The following DGCR2 variants were observed in gnomAD, a reference collection of about 807,000 sequenced individuals.
DGCR2 encodes DiGeorge syndrome critical region gene 2.
A neutral mutation model predicts 51.6 loss-of-function variants in DGCR2; 24 were observed. That is an observed-to-expected ratio of 0.47 (90% confidence interval 0.34 to 0.65). The LOEUF (loss-of-function observed/expected upper bound fraction) is 0.65. Among genes scored for constraint, DGCR2 ranks in the 30% least tolerant of loss-of-function variants. The probability of loss-of-function intolerance (pLI) is 0.01; values close to 1 mark genes in which losing one functional copy is unlikely to be tolerated. For synonymous variants in DGCR2, 340 were observed against 315.4 expected (o/e 1.08, Z -0.82); for missense variants, 765 against 772.1 (o/e 0.99, Z 0.11).
intron 7 of DGCR2, among the ~76,000 whole-genome samples, chr22:19,043,260 G>A (rs896467530): frequency 6.6e-6 from 1 of 152,228 alleles, no homozygotes; most frequent in Non-Finnish European, 1.5e-5. Context: ...AGGCCGGGGT[G>A]CTGTTCAACA....
At chr22:19,090,526 T>G (rs965422693) in intron 1 of DGCR2, among the ~76,000 whole-genome samples, 2 of 152,198 alleles carry the variant, frequency 1.3e-5, no homozygotes, top group African/African-American at 4.8e-5. Flanking sequence ...CATGTTAAAG[T>G]TCTGAAAGAA....
chr22:19,038,933 T>A lies in DGCR2; in HGVS notation c.1585A>T (p.Thr529Ser). The A allele has an allele frequency of 6.2e-7, 1 of 1,612,456 alleles. No individual in the cohort carries two copies. Residue 529 changes from threonine (T) to serine (S), a missense_variant, in exon 10 of 10, where the codon ACC (threonine) becomes TCC (serine). By Grantham distance (58) the Thr-to-Ser change is moderately conservative. Transcript: ENST00000263196. ...CCTGGCAGTGCCTCTGCAGCTGGGG[T>A]GCTCCCGCTCTGGGCAGGGTCAGGG... ...VPPDPAQSGS[T>S]PAAEALPGGG...
rs59004460 is a variant in DGCR2, at chr22:19,052,609, CAA to C, written c.803-3968_803-3967del. On this transcript the variant is annotated intron_variant, in intron 6 of 9. Transcript: ENST00000263196. ...GCAACATAGCGAAATCCCGCCTCTA[CAA>C]AAAAAAAAAAAATACAAAAATAAGT... Among the ~76,000 whole-genome samples the C allele has an allele frequency of 7.5e-4, 100 of 133,734 alleles. 1 individual carries two copies. Among genetic ancestry groups the C allele is most frequent in the Middle Eastern group, 7.4e-3 (2 of 270 alleles). 87.7% of individuals were successfully genotyped at this position (133,734 alleles called of 152,430 possible).
At chr22:19,045,907 T>C (rs966543287) in intron 7 of DGCR2, among the ~76,000 whole-genome samples, 7 of 152,124 alleles carry the variant, frequency 4.6e-5, no homozygotes, top group African/African-American at 1.7e-4. Context: ...TTTGTATTTT[T>C]TGTAGAGATG....
At chr22:19,050,739 G>A (rs115735541) in intron 6 of DGCR2, among the ~76,000 whole-genome samples, 1,756 of 152,266 alleles carry the variant, frequency 0.012, 39 homozygotes, top group African/African-American at 0.04. Flanking sequence ...CTGGACTAAA[G>A]AACTTCACCT....
intron 1 of DGCR2, among the ~76,000 whole-genome samples, chr22:19,090,184 C>T (rs2083063196): frequency 6.6e-6 from 1 of 152,016 alleles, no homozygotes; most frequent in Admixed American, 6.6e-5. Flanking sequence ...TGAAAAAATA[C>T]CAGGAAAAAA....
chr22:19,042,806 C>T (rs529313549), intron 7 of DGCR2, among the ~76,000 whole-genome samples: 4 of 152,282 alleles, frequency 2.6e-5, no homozygotes, highest in South Asian at 2.1e-4. Flanking sequence ...GGCAGCCGCA[C>T]GGTCAACTCA....
intron 2 of DGCR2, among the ~76,000 whole-genome samples, chr22:19,068,461 T>C (rs1193423190): frequency 6.6e-6 from 1 of 152,248 alleles, no homozygotes; most frequent in Non-Finnish European, 1.5e-5. Context: ...AAGTTACTAT[T>C]GTGAAATGGA....
rs1251669921 is a variant in DGCR2 at position 19,057,935 on chromosome 22, C to G, written c.626-773G>C. On this transcript the variant is annotated intron_variant, in intron 5 of 9. Coordinates refer to ENST00000263196, the MANE Select transcript of DGCR2 (RefSeq NM_005137.3). The surrounding 1 kb of genome is among the most constrained non-coding windows in gnomAD (Gnocchi z 5.1). ...CCACTCTCTCCCCTGCACGGCCCTT[C>G]CAGTCTGGGCTGCCAAGATTCCTTG... 1.3e-5 allele frequency among the ~76,000 whole-genome samples: 2 copies of G among 152,154 alleles called. No individual in the cohort carries two copies. The highest frequency in any genetic ancestry group is 2.9e-5 in the Non-Finnish European group (2 of 68,014).
At chr22:19,062,922 CAAGGTCTTTAACTTCAA>C (rs1425899522) in intron 5 of DGCR2, among the ~76,000 whole-genome samples, 2 of 152,002 alleles carry the variant, frequency 1.3e-5, no homozygotes, top group Non-Finnish European at 2.9e-5. Flanking sequence ...TTTTATACTC[CAAGGTCTTTAACTTCAA>C]AAGGAGGCGG....
chr22:19,065,024 G>C lies in DGCR2; in HGVS notation c.372C>G (p.Gly124=). The C allele has an allele frequency of 6.2e-7, 1 of 1,614,054 alleles. No homozygotes were observed. The highest frequency in any genetic ancestry group is 8.5e-7 in the Non-Finnish European group (1 of 1,180,040). The change falls in exon 4 of 10, where the codon GGC becomes GGG. Residue 124 remains glycine (G), a synonymous_variant. Coordinates refer to ENST00000263196, the MANE Select transcript of DGCR2 (RefSeq NM_005137.3). The part of the protein sequence containing the change: ...KCPTGWHHYE[G]TASCYRVYLS... ...GGTAGACCCGGTAGCAGCTGGCCGT[G>C]CCTTCGTAGTGGTGCCACCCTGTCG...
intron 2 of DGCR2, among the ~76,000 whole-genome samples, chr22:19,088,532 G>A (rs188291219): frequency 1.3e-5 from 2 of 152,312 alleles, no homozygotes; most frequent in South Asian, 2.1e-4. Flanking sequence ...TGATAAATCA[G>A]GTTGGCAAAG....
At chr22:19,058,096 C>T (rs915945729) in intron 5 of DGCR2, among the ~76,000 whole-genome samples, 1 of 150,822 alleles carries the variant, frequency 6.6e-6, no homozygotes, top group African/African-American at 2.4e-5. Flanking sequence ...CTCCAGCATT[C>T]TCACCTGCGT....
chr22:19,111,128 T>G (rs1376779772), intron 1 of DGCR2, among the ~76,000 whole-genome samples: 1 of 152,126 alleles, frequency 6.6e-6, no homozygotes, highest in Non-Finnish European at 1.5e-5. Context: ...CAAAAGAAGG[T>G]GACACTCTAA....
intron 1 of DGCR2, among the ~76,000 whole-genome samples, chr22:19,104,517 A>G (rs1246622401): frequency 1.3e-5 from 2 of 152,252 alleles, no homozygotes; most frequent in African/African-American, 4.8e-5. Flanking sequence ...AGAAGCACAC[A>G]TGTCCACAGT....
At chr22:19,062,779 A>ATGCATGCTCTCTCTC in intron 5 of DGCR2, among the ~76,000 whole-genome samples, 1 of 127,354 alleles carries the variant, frequency 7.9e-6, no homozygotes, top group Non-Finnish European at 1.8e-5. Context: ...ATGCATGCTC[A>ATGCATGCTCTCTCTC]CTCTCTCTCT....
intron 5 of DGCR2, among the ~76,000 whole-genome samples, chr22:19,058,092 C>T (rs1350425217): frequency 1.3e-5 from 2 of 151,616 alleles, no homozygotes; most frequent in Admixed American, 6.6e-5. Context: ...AAGCCTCCAG[C>T]ATTCTCACCT....
At chr22:19,095,718 C>CA (rs1372196278) in intron 1 of DGCR2, among the ~76,000 whole-genome samples, 2 of 143,474 alleles carry the variant, frequency 1.4e-5, no homozygotes, top group Non-Finnish European at 3.0e-5. Context: ...TATTATAAGT[C>CA]AATTATACCT....
chr22:19,091,980 CAAAA>C (rs2083083849), intron 1 of DGCR2, among the ~76,000 whole-genome samples: 1 of 151,896 alleles, frequency 6.6e-6, no homozygotes, highest in Admixed American at 6.6e-5. Context: ...ATAAGAAAAA[CAAAA>C]GTTGTTTTTT....
Sources: gnomAD v4.1 joint callset for allele counts (sites outside exome capture counted in the v4.1 genomes callset) on GRCh38, gnomAD v4.1.1 for gene constraint, Gnocchi (gnomAD v3.1) non-coding constraint, MANE v1.5 for transcripts, NCBI Gene and HGNC (gene_info 2026-07-23, HGNC 2026-07-21) for gene names.